Variants in VPS25 observed in about 807,000 individuals in gnomAD.
The protein encoded by VPS25 is vacuolar protein sorting 25 homolog, also known as vacuolar protein-sorting-associated protein 25.
Under a neutral mutation model 30.3 loss-of-function variants are expected in VPS25, and 21 were observed. The observed-to-expected ratio is 0.69, with a 90% CI of 0.49 to 1.00. The LOEUF (loss-of-function observed/expected upper bound fraction) is 1.00, where lower values mean the gene tolerates loss of function less well. VPS25 is among the 50% of genes least tolerant of loss of function. The pLI is 0.00. For synonymous variants in VPS25, 101 were observed against 88.1 expected (o/e 1.15, Z -0.82); for missense variants, 156 against 217.2 (o/e 0.72, Z 1.77).
intron 5 of VPS25, among the ~76,000 whole-genome samples, chr17:42,778,183 A>G (rs1597890650): frequency 6.7e-6 from 1 of 150,144 alleles, no homozygotes; most frequent in South Asian, 2.1e-4. Context: ...TAGGCTCCCC[A>G]ATTTTTTTGG....
Position 42,776,237 on chromosome 17 carries a change from A to G in VPS25, c.343-8A>G. The stretch of plus-strand genomic sequence containing the variant: ...TTCTAATTCACTCCTCATTTTCTGT[A>G]TTCACAGGTTTCCAGGAGTGGCCAG... On this transcript the variant is annotated splice_polypyrimidine_tract_variant and splice_region_variant and intron_variant, in intron 4 of 5. Transcript: ENST00000253794. 2 of 1,612,360 alleles carry G rather than the reference A, an allele frequency of 1.2e-6. No individual in the cohort carries two copies. The highest frequency in any genetic ancestry group is 1.7e-6 in the Non-Finnish European group (2 of 1,179,340).
chr17:42,778,873 G>A lies in VPS25; in HGVS notation c.419-84G>A, dbSNP rs542426701. 65 of 1,256,102 alleles carry A rather than the reference G, an allele frequency of 5.2e-5. No homozygotes were observed. In the South Asian group the frequency reaches 8.0e-4, roughly 16 times the overall value. 77.8% of individuals were successfully genotyped at this position (1,256,102 alleles called of 1,614,324 possible). A position where few individuals can be genotyped will look rare whatever the true frequency, so the allele number is the denominator to read the frequency against. ...GCTTATGCATACCCTGCCTCTGGGA[G>A]GTCTCGGCTTCCAGCCAGAGCACTC... On this transcript the variant is annotated intron_variant, in intron 5 of 5. Transcript: ENST00000253794.
Position 42,779,211 on chromosome 17 carries a change from A to G in VPS25, c.*142A>G, listed in dbSNP as rs544612290. On this transcript the variant is annotated 3_prime_UTR_variant, in exon 6 of 6. Coordinates refer to ENST00000253794, the MANE Select transcript of VPS25 (RefSeq NM_032353.4). ...CAGTCCTGAAGGCTGGGACCTGGGG[A>G]TGGGTTTCTCACACCCCATATGTCT... The G allele has an allele frequency of 2.2e-4, 157 of 723,834 alleles. 1 individual carries two copies. The Admixed American group carries it at 3.6e-3, about 17-fold the overall frequency. 44.8% of individuals were successfully genotyped at this position (723,834 alleles called of 1,614,324 possible).
intron 4 of VPS25, among the ~76,000 whole-genome samples, chr17:42,775,751 C>T (rs1248083138): frequency 6.6e-6 from 1 of 152,156 alleles, no homozygotes; most frequent in African/African-American, 2.4e-5. Context: ...TGGCTGGAGC[C>T]TCTGGCCACA....
intron 5 of VPS25, among the ~76,000 whole-genome samples, chr17:42,778,187 T>A (rs975077942): frequency 1.2e-4 from 18 of 151,948 alleles, no homozygotes; most frequent in African/African-American, 3.6e-4. Flanking sequence ...CTCCCCAATT[T>A]TTTTGGTTTT....
In VPS25 at chr17:42,774,700, G is replaced by A; in HGVS notation, c.253+1G>A. ...GTATTAGAGGAACTGAGGAAGAAAGGTGGGTTCAGTTCCCCAGATTCCTTA... is the reference window on the plus strand; with the variant it reads ...GTATTAGAGGAACTGAGGAAGAAAGATGGGTTCAGTTCCCCAGATTCCTTA... On this transcript the variant is annotated splice_donor_variant, in intron 3 of 5. Coordinates refer to ENST00000253794, the MANE Select transcript of VPS25 (RefSeq NM_032353.4). LOFTEE classifies it high-confidence loss of function. 6.2e-7 allele frequency: 1 copy of A among 1,612,106 alleles called. No homozygotes were observed. Among genetic ancestry groups the A allele is most frequent in the African/African-American group, 1.3e-5 (1 of 75,020 alleles).
rs1257228945 is a variant in VPS25, at chr17:42,779,389, G to A, written c.*320G>A. The A allele has an allele frequency of 4.1e-6, 1 of 243,202 alleles. No individual in the cohort carries two copies. Among genetic ancestry groups the A allele is most frequent in the East Asian group, 8.7e-5 (1 of 11,518 alleles). 15.1% of individuals were successfully genotyped at this position (243,202 alleles called of 1,614,324 possible). A position where few individuals can be genotyped will look rare whatever the true frequency, so the allele number is the denominator to read the frequency against. ...CACATGTAAGTACATACACACATGC[G>A]CCTGCAGCACATGCTTCTGTCTCCT... is the stretch of plus-strand genomic sequence containing the variant. On this transcript the variant is annotated 3_prime_UTR_variant, in exon 6 of 6. Coordinates refer to ENST00000253794, the MANE Select transcript of VPS25 (RefSeq NM_032353.4).
chr17:42,776,124 G>A (rs1483554074), intron 4 of VPS25, 121 bp from the exon 5 acceptor site: 9 of 816,260 alleles, frequency 1.1e-5, no homozygotes, highest in South Asian at 1.7e-5. Flanking sequence ...CTGCAGAGGC[G>A]ACAGTGAGTC....
At chr17:42,774,136 T>A in intron 2 of VPS25, 1 of 404,718 alleles carries the variant, frequency 2.5e-6, no homozygotes, top group Non-Finnish European at 4.4e-6. Context: ...AAGTTCCAAG[T>A]TTTTTAACCT....
chr17:42,773,575 C>T (rs767876504), intron 1 of VPS25, 47 bp downstream of exon 1: 85 of 1,613,836 alleles, frequency 5.3e-5, no homozygotes, highest in Non-Finnish European at 7.2e-5. Context: ...CCTCCCCTCC[C>T]CCGGACCCTG....
chr17:42,776,195 TCCCAGGA>T (rs1466441880), intron 4 of VPS25, 43 bp from the exon 5 acceptor site: 7 of 1,512,332 alleles, frequency 4.6e-6, no homozygotes, highest in African/African-American at 1.4e-5. Context: ...ATTTACTGTC[TCCCAGGA>T]GATTCTTGGT....
chr17:42,775,340 C>A, intron 3 of VPS25, 41 bp from the exon 4 acceptor site: 1 of 1,567,146 alleles, frequency 6.4e-7, no homozygotes, highest in East Asian at 2.3e-5. Context: ...GTGTAAGCCA[C>A]TGCGCGCCTG....
At chr17:42,773,571 C>G (rs1445189422) in intron 1 of VPS25, 43 bp downstream of exon 1, 6 of 1,613,910 alleles carry the variant, frequency 3.7e-6, no homozygotes, top group Non-Finnish European at 5.1e-6. Flanking sequence ...CCTCCCTCCC[C>G]TCCCCCGGAC....
chr17:42,775,354 A>G, intron 3 of VPS25, 27 bp from the exon 4 acceptor site: 1 of 1,600,098 alleles, frequency 6.2e-7, no homozygotes, highest in Non-Finnish European at 8.6e-7. Flanking sequence ...GCGCCTGGTT[A>G]TGCTTTCATA....
rs759331492 is a variant in VPS25 at position 42,773,774 on chromosome 17, C to T, written c.95C>T (p.Ala32Val). The T allele has an allele frequency of 2.5e-6, 4 of 1,614,066 alleles. No individual in the cohort carries two copies. The African/African-American group carries it at 4.0e-5, about 16-fold the overall frequency. Residue 32 changes from alanine to valine, a missense_variant, in exon 2 of 6, where the codon GCC becomes GTC. Physicochemically the swap from Ala to Val is moderately conservative, Grantham distance 64. Coordinates refer to ENST00000253794, the MANE Select transcript of VPS25 (RefSeq NM_032353.4). ...NVDTRQKQLA[A>V]WCSLVLSFCR... ...GACACTCGGCAGAAGCAGCTGGCCG[C>T]CTGGTGCTCGCTGGTCCTGTCCTTC...
chr17:42,773,954 G>A lies in VPS25; in HGVS notation c.199+76G>A, dbSNP rs1422592504. 9 of 1,513,224 alleles carry A rather than the reference G, an allele frequency of 5.9e-6. No individual in the cohort carries two copies. The East Asian group carries it at 7.0e-5, about 12-fold the overall frequency. 93.7% of individuals were successfully genotyped at this position (1,513,224 alleles called of 1,614,324 possible). A position where few individuals can be genotyped will look rare whatever the true frequency, so the allele number is the denominator to read the frequency against. On this transcript the variant is annotated intron_variant, in intron 2 of 5. Coordinates refer to ENST00000253794, the MANE Select transcript of VPS25 (RefSeq NM_032353.4). ...TTCACACATGCCCAGACGCCCCCCCGCGCCAGCCCCCTTTTACCCATGGTA... is the reference window on the plus strand; with the variant it reads ...TTCACACATGCCCAGACGCCCCCCCACGCCAGCCCCCTTTTACCCATGGTA...
intron 3 of VPS25, 109 bp from the exon 4 acceptor site, chr17:42,775,272 G>T (rs1388903822): frequency 8.0e-6 from 6 of 750,372 alleles, no homozygotes; most frequent in Non-Finnish European, 1.4e-5. Context: ...TCATCATGTT[G>T]CCCAGGCTAG....
chr17:42,776,401 C>T, intron 5 of VPS25, 81 bp downstream of exon 5: 1 of 1,369,634 alleles, frequency 7.3e-7, no homozygotes, highest in Non-Finnish European at 1.0e-6. Context: ...CTTGCTCTGT[C>T]ACCCAGGCTG....
intron 5 of VPS25, among the ~76,000 whole-genome samples, chr17:42,778,484 C>T (rs1019626128): frequency 1.3e-5 from 2 of 152,204 alleles, no homozygotes; most frequent in Non-Finnish European, 2.9e-5. Flanking sequence ...CGCGCCTGGC[C>T]TGTGCTCCCA....
Sources: gnomAD v4.1 joint callset for allele counts (sites outside exome capture counted in the v4.1 genomes callset) on GRCh38, gnomAD v4.1.1 for gene constraint, MANE v1.5 for transcripts, NCBI Gene and HGNC (gene_info 2026-07-23, HGNC 2026-07-21) for gene names.